Variants in CTTNBP2 observed in about 807,000 individuals in gnomAD.
CTTNBP2 encodes the protein cortactin-binding protein 2.
CTTNBP2 carries 108 observed loss-of-function variants against 156.9 expected under a neutral mutation model. That is an observed-to-expected ratio of 0.69 (90% CI 0.59 to 0.81). CTTNBP2 has a LOEUF of 0.81. Ranked by LOEUF, CTTNBP2 falls within the 30% of genes least tolerant of loss-of-function variation. CTTNBP2 has a pLI of 0.00. For missense variants in CTTNBP2, 1,924 were observed against 2,035.4 expected (o/e 0.95, Z 1.05); for synonymous variants, 767 against 751.8 (o/e 1.02, Z -0.33).
chr7:117,786,565 C>T (rs574238441), intron 4 of CTTNBP2: 13 of 328,568 alleles, frequency 4.0e-5, no homozygotes, highest in African/African-American at 1.3e-4. Flanking sequence ...ATGAAGGCAT[C>T]GCACTACAGT....
chr7:117,871,833 G>A lies in CTTNBP2; in HGVS notation c.81+1502C>T, dbSNP rs1041858737. On this transcript the variant is annotated intron_variant, in intron 1 of 22. Transcript: ENST00000160373. Reference sequence around the variant, plus strand: ...CACACACACACCCTCTTTCTTTTTCGTCCTTCCCCTTCACACACACACACA... The same window carrying A: ...CACACACACACCCTCTTTCTTTTTCATCCTTCCCCTTCACACACACACACA... The A allele has an allele frequency of 3.2e-5, 11 of 348,634 alleles. No individual in the cohort carries two copies. In the African/African-American group the frequency reaches 6.1e-4, roughly 19 times the overall value. The allele number at this position is 348,634 out of a possible 1,614,324, so 21.6% of individuals were successfully genotyped here. A position where few individuals can be genotyped will look rare whatever the true frequency, so the allele number is the denominator to read the frequency against.
intron 22 of CTTNBP2, among the ~76,000 whole-genome samples, chr7:117,714,615 G>A (rs1209629368): frequency 6.6e-6 from 1 of 152,086 alleles, no homozygotes; most frequent in East Asian, 1.9e-4. Flanking sequence ...GTACCTTCAT[G>A]GTCTGAGGCA....
At chr7:117,840,683 G>A (rs1802218495) in intron 2 of CTTNBP2, among the ~76,000 whole-genome samples, 1 of 152,172 alleles carries the variant, frequency 6.6e-6, no homozygotes, top group South Asian at 2.1e-4. Flanking sequence ...TATCTCTTCA[G>A]GAAGAAGTCT....
chr7:117,745,474 C>T (rs1417840209), intron 14 of CTTNBP2, among the ~76,000 whole-genome samples: 2 of 152,308 alleles, frequency 1.3e-5, no homozygotes, highest in African/African-American at 4.8e-5. Flanking sequence ...AGTTGATCTG[C>T]TGTGTATCAC....
intron 12 of CTTNBP2, among the ~76,000 whole-genome samples, chr7:117,756,138 C>T (rs887944630): frequency 1.3e-5 from 2 of 152,128 alleles, no homozygotes; most frequent in Admixed American, 6.5e-5. Context: ...ATTTGGTTTC[C>T]GTTAAAGTGG....
intron 8 of CTTNBP2, among the ~76,000 whole-genome samples, chr7:117,772,581 G>A (rs527399215): frequency 1.3e-5 from 2 of 152,212 alleles, no homozygotes; most frequent in African/African-American, 4.8e-5. Context: ...GTAAAAGGAG[G>A]CACTGTTAAT....
At chr7:117,751,605 C>A (rs769464627) in intron 12 of CTTNBP2, among the ~76,000 whole-genome samples, 2 of 152,086 alleles carry the variant, frequency 1.3e-5, no homozygotes, top group African/African-American at 2.4e-5. Context: ...GAATTCTTCA[C>A]GGTAGAAAGC....
At position 117,811,838 on chromosome 7, in the gene CTTNBP2, AATTAAATTAAAATTTTAAT is replaced by A. The variant is rs1800301431; in HGVS notation, c.190-868_190-850del. On this transcript the variant is annotated intron_variant, in intron 2 of 22. Coordinates refer to ENST00000160373, the MANE Select transcript of CTTNBP2 (RefSeq NM_033427.3). ...AAAATTTTAATTAAATTAAAATTTT[AATTAAATTAAAATTTTAAT>A]GTAAAAATTTTAATTAAATTAAAAT... Among the ~76,000 whole-genome samples, 4 of 60,220 alleles carry A rather than the reference AATTAAATTAAAATTTTAAT, an allele frequency of 6.6e-5. No homozygotes were observed. The East Asian group carries it at 2.0e-3, about 31-fold the overall frequency. 39.5% of individuals were successfully genotyped at this position (60,220 alleles called of 152,430 possible).
At chr7:117,779,833 TCAC>T (rs1047064366) in intron 7 of CTTNBP2, among the ~76,000 whole-genome samples, 7 of 152,094 alleles carry the variant, frequency 4.6e-5, no homozygotes, top group Non-Finnish European at 8.8e-5. Flanking sequence ...CCATCTCAGC[TCAC>T]CACAACCTCT....
At chr7:117,720,647 C>A (rs962782840) in intron 20 of CTTNBP2, among the ~76,000 whole-genome samples, 1 of 152,064 alleles carries the variant, frequency 6.6e-6, no homozygotes, top group African/African-American at 2.4e-5. Flanking sequence ...GAACCGAGAT[C>A]ATGCCACTGC....
chr7:117,784,317 C>G lies in CTTNBP2; in HGVS notation c.2206G>C (p.Asp736His). 6.2e-7 allele frequency: 1 copy of G among 1,613,950 alleles called. No homozygotes were observed. Among genetic ancestry groups the G allele is most frequent in the Middle Eastern group, 1.7e-4 (1 of 6,060 alleles). ...LSMLLNEEGLDINYSCEDGHS... is the reference protein window; with the variant it reads ...LSMLLNEEGLHINYSCEDGHS... ...CCATCTTCACAGGAGTAATTAATGT[C>G]CAGTCCTTCTTCATTAAGCAGCATT... Residue 736 changes from aspartate to histidine, a missense_variant, in exon 5 of 23, where the codon GAC becomes CAC. Physicochemically the swap from Asp to His is moderately conservative, Grantham distance 81 (BLOSUM62 -1). Coordinates refer to ENST00000160373, the MANE Select transcript of CTTNBP2 (RefSeq NM_033427.3).
In CTTNBP2 at chr7:117,873,391, C is replaced by T. The variant is rs201926476; in HGVS notation, c.25G>A (p.Glu9Lys). The T allele has an allele frequency of 0.011, 16,677 of 1,489,202 alleles. 104 individuals are homozygous for T. Among genetic ancestry groups the T allele is most frequent in the Non-Finnish European group, 0.013 (14,488 of 1,126,202 alleles). The allele number at this position is 1,489,202 out of a possible 1,614,324, so 92.2% of individuals were successfully genotyped here. A position where few individuals can be genotyped will look rare whatever the true frequency, so the allele number is the denominator to read the frequency against. The change falls in exon 1 of 23, where the codon GAG becomes AAG. Residue 9 changes from glutamate to lysine, a missense_variant. Glu to Lys is a moderately conservative substitution (Grantham distance 56, BLOSUM62 1). Coordinates refer to ENST00000160373, the MANE Select transcript of CTTNBP2 (RefSeq NM_033427.3). Reference protein sequence around the residue: MATDGASCEPDLSRAPEDA... With the variant: MATDGASCKPDLSRAPEDA... ...TCCGGGGCCCGGGACAAGTCGGGCT[C>T]GCAGCTCGCGCCGTCCGTCGCCATC...
At chr7:117,760,400 A>G in intron 10 of CTTNBP2, 35 bp downstream of exon 10, 1 of 1,593,292 alleles carries the variant, frequency 6.3e-7, no homozygotes. Context: ...AAACCCAGAA[A>G]TTTCACTTTC....
In CTTNBP2 at chr7:117,745,864, T is replaced by C. The variant is rs1041628406; in HGVS notation, c.3502A>G (p.Lys1168Glu). ...VRAEVDAGFSKEQLLDLFISS... is the reference protein window; with the variant it reads ...VRAEVDAGFSEEQLLDLFISS... ...ATGAACAGGTCTAGTAGCTGTTCCT[T>C]GGAAAAACCAGCATCTACTTCAGCT... The change falls in exon 14 of 23, where the codon AAG becomes GAG. Residue 1168 changes from lysine (K) to glutamate (E), a missense_variant. By Grantham distance (56) the Lys-to-Glu change is moderately conservative (BLOSUM62 1). Transcript: ENST00000160373. 2.5e-6 allele frequency: 4 copies of C among 1,613,996 alleles called. No homozygotes were observed. The African/African-American group carries it at 5.3e-5, about 22-fold the overall frequency.
rs139874598 is a variant in CTTNBP2, at chr7:117,746,209, A to G, written c.3349-110T>C. The G allele has an allele frequency of 1.5e-4, 108 of 707,424 alleles. No individual in the cohort carries two copies. In the African/African-American group the frequency reaches 1.9e-3, roughly 12 times the overall value. 43.8% of individuals were successfully genotyped at this position (707,424 alleles called of 1,614,324 possible). A position where few individuals can be genotyped will look rare whatever the true frequency, so the allele number is the denominator to read the frequency against. ...TTGATTGTCCTCATACTTTCAAAAG[A>G]TTAAAAACAATATTTTAGAGATTAG... On this transcript the variant is annotated intron_variant, in intron 12 of 22. Transcript: ENST00000160373.
chr7:117,796,688 A>G (rs896826837), intron 3 of CTTNBP2, among the ~76,000 whole-genome samples: 1 of 152,224 alleles, frequency 6.6e-6, no homozygotes, highest in Non-Finnish European at 1.5e-5. Flanking sequence ...ACAACAGACT[A>G]TTTGTATTAT....
chr7:117,751,484 T>A (rs1224466162), intron 12 of CTTNBP2, among the ~76,000 whole-genome samples: 1 of 152,246 alleles, frequency 6.6e-6, no homozygotes, highest in South Asian at 2.1e-4. Flanking sequence ...TTTAAATAAC[T>A]AATTTACTTG....
chr7:117,734,676 G>T (rs1256724028), intron 16 of CTTNBP2, among the ~76,000 whole-genome samples: 1 of 152,258 alleles, frequency 6.6e-6, no homozygotes, highest in Non-Finnish European at 1.5e-5. Context: ...AGAACTTGGT[G>T]AGATTCCTTG....
chr7:117,847,702 GAC>G (rs1802671932), intron 2 of CTTNBP2, among the ~76,000 whole-genome samples: 1 of 151,730 alleles, frequency 6.6e-6, no homozygotes, highest in Admixed American at 6.6e-5. Context: ...CATACATTCT[GAC>G]AGTGTCATAA....
Sources: gnomAD v4.1 joint callset for allele counts (sites outside exome capture counted in the v4.1 genomes callset) on GRCh38, gnomAD v4.1.1 for gene constraint, MANE v1.5 for transcripts, NCBI Gene and HGNC (gene_info 2026-07-23, HGNC 2026-07-21) for gene names.